The following RRBP1 variants were observed in gnomAD, a reference collection of about 807,000 sequenced individuals.
RRBP1 encodes ribosome-binding protein 1.
Under a neutral mutation model 165.2 loss-of-function variants are expected in RRBP1, and 94 were observed. That is an observed-to-expected ratio of 0.57 (90% CI 0.48 to 0.68). The LOEUF is 0.68. Ranked by LOEUF, RRBP1 falls within the 30% of genes least tolerant of loss-of-function variation. The probability of loss-of-function intolerance (pLI) is 0.00; values close to 1 mark genes in which losing one functional copy is unlikely to be tolerated. For missense variants in RRBP1, 1,676 were observed against 1,763.0 expected, an observed-to-expected ratio of 0.95 and a Z score of 0.88; for synonymous variants, 680 against 714.5, an observed-to-expected ratio of 0.95 and a Z score of 0.77.
intron 5 of RRBP1, 83 bp from the exon 6 acceptor site, chr20:17,636,812 G>A: frequency 1.3e-6 from 2 of 1,542,598 alleles, no homozygotes; most frequent in South Asian, 1.2e-5. Context: ...CATCACCCGA[G>A]CTGGGAGGCT....
chr20:17,636,798 AGAGCATCACCC>A, intron 5 of RRBP1, 69 bp from the exon 6 acceptor site: 1 of 1,586,402 alleles, frequency 6.3e-7, no homozygotes, highest in Non-Finnish European at 8.6e-7. Context: ...GAAGGGAGCA[AGAGCATCACCC>A]GAGCTGGGAG....
chr20:17,659,715 C>G lies in RRBP1; in HGVS notation c.793G>C (p.Ala265Pro), dbSNP rs1253644936. 17 of 1,550,500 alleles carry G rather than the reference C, an allele frequency of 1.1e-5. No individual in the cohort carries two copies. Among genetic ancestry groups the G allele is most frequent in the Non-Finnish European group, 1.5e-5 (17 of 1,147,002 alleles). The change falls in exon 3 of 25, where the codon GCC becomes CCC. Residue 265 changes from alanine to proline, a missense_variant. Coordinates refer to ENST00000377813, the MANE Select transcript of RRBP1 (RefSeq NM_001365613.2). ...TCTACCTTTTTACCCTGGTTCTGGGCCCCCTCCGCCTTTTTGCCTTGGTTT... is the reference window on the plus strand; with the variant it reads ...TCTACCTTTTTACCCTGGTTCTGGGGCCCCTCCGCCTTTTTGCCTTGGTTT... ...TPNQGKKAEG[A>P]QNQGKKVDTT... is the part of the protein sequence containing the mutation.
intron 14 of RRBP1, 33 bp from the exon 15 acceptor site, chr20:17,621,806 ACATT>A: frequency 6.2e-7 from 1 of 1,613,168 alleles, no homozygotes; most frequent in Non-Finnish European, 8.5e-7. Flanking sequence ...AGACCCGGGG[ACATT>A]CCCTGAGAAC....
At chr20:17,642,079 C>T (rs187782135) in intron 4 of RRBP1, among the ~76,000 whole-genome samples, 160 bp from the exon 5 acceptor site, 3 of 152,360 alleles carry the variant, frequency 2.0e-5, no homozygotes, top group Non-Finnish European at 4.4e-5. Context: ...GGAAAGGCGG[C>T]CCCGCCTCAG....
Position 17,643,050 on chromosome 20 carries a change from C to G in RRBP1, c.1990G>C (p.Glu664Gln). The G allele has an allele frequency of 6.2e-7, 1 of 1,614,110 alleles. No homozygotes were observed. The highest frequency in any genetic ancestry group is 8.5e-7 in the Non-Finnish European group (1 of 1,180,024). The change falls in exon 4 of 25, where the codon GAG becomes CAG. Residue 664 changes from glutamate to glutamine, a missense_variant. Around this residue, in one of 5 missense-constraint regions of RRBP1, gnomAD observed 1,184 missense variants for 1,167.1 expected, o/e 1.01. Transcript: ENST00000377813. This position sits in a 1 kb window ranked among gnomAD's most constrained non-coding sequence, Gnocchi z 4.3. ...TCGATGAGCCGCTGGGCCTCGCCCT[C>G]GTTGAACACCATGCTCCCAACCGTG... ...VSTVGSMVFN[E>Q]GEAQRLIEIL...
intron 7 of RRBP1, among the ~76,000 whole-genome samples, chr20:17,634,175 G>T (rs1305716941): frequency 3.9e-5 from 6 of 152,248 alleles, no homozygotes; most frequent in Non-Finnish European, 7.3e-5. Context: ...GGCAGCTGGA[G>T]GCCTGCCTTT....
intron 22 of RRBP1, 116 bp from the exon 23 acceptor site, chr20:17,615,645 G>A: frequency 4.1e-6 from 3 of 726,662 alleles, no homozygotes; most frequent in South Asian, 2.0e-5. Flanking sequence ...TGGAGCAACA[G>A]CTCCATCCTG....
intron 2 of RRBP1, among the ~76,000 whole-genome samples, chr20:17,661,494 G>T (rs1337597589): frequency 6.6e-6 from 1 of 152,174 alleles, no homozygotes; most frequent in Non-Finnish European, 1.5e-5. Context: ...CACTGCCTAT[G>T]GACCAAAGTC....
intron 3 of RRBP1, among the ~76,000 whole-genome samples, chr20:17,651,239 A>G (rs1568776237): frequency 6.6e-6 from 1 of 152,254 alleles, no homozygotes; most frequent in Non-Finnish European, 1.5e-5. Flanking sequence ...AGAGTAGCAC[A>G]GCAGCACCGT....
chr20:17,617,425 C>G (rs1291815333), intron 20 of RRBP1, among the ~76,000 whole-genome samples: 1 of 152,214 alleles, frequency 6.6e-6, no homozygotes, highest in Non-Finnish European at 1.5e-5. Flanking sequence ...CATAAGCTCC[C>G]CAGGGAACAT....
intron 8 of RRBP1, among the ~76,000 whole-genome samples, chr20:17,631,913 C>T (rs1226713373): frequency 1.3e-5 from 2 of 152,244 alleles, no homozygotes; most frequent in African/African-American, 4.8e-5. Flanking sequence ...CAACCTCAAC[C>T]GCCAGTCTGA....
Position 17,659,627 on chromosome 20 carries a change from C to T in RRBP1, c.881G>A (p.Gly294Glu). Residue 294 changes from glycine to glutamate, a missense_variant, in exon 3 of 25, where the codon GGG becomes GAG. By Grantham distance (98) the Gly-to-Glu change is moderately conservative. This residue lies in a region of RRBP1 where 392 missense variants were observed against 382.5 expected (regional missense o/e 1.02). Transcript: ENST00000377813. ...TACCTTTTTGGCCTGGTTCTGAGCC[C>T]CCTCGGCCTTTCTGCCCTGGGTTGG... ...GAPTQGRKAE[G>E]AQNQAKKVEG... 6.4e-7 allele frequency: 1 copy of T among 1,550,490 alleles called. No individual in the cohort carries two copies. The highest frequency in any genetic ancestry group is 8.7e-7 in the Non-Finnish European group (1 of 1,146,964).
At chr20:17,622,028 C>G in intron 13 of RRBP1, 81 bp from the exon 14 acceptor site, 2 of 1,029,466 alleles carry the variant, frequency 1.9e-6, no homozygotes, top group Non-Finnish European at 3.0e-6. Context: ...CTGATATGCC[C>G]GGGTCTCTGC....
At position 17,658,861 on chromosome 20, in the gene RRBP1, C is replaced by T. The variant is rs1311406641; in HGVS notation, c.1647G>A (p.Lys549=). The T allele has an allele frequency of 4.3e-6, 7 of 1,613,896 alleles. No individual in the cohort carries two copies. The South Asian group carries it at 5.5e-5, about 13-fold the overall frequency. ...TGCCCTGATTAGCAACCGAATCTGC[C>T]TTTTTGCCCTGGATGGGAGCTCCCT... The part of the protein sequence containing the change: ...KGEGAPIQGK[K]ADSVANQGTK... Residue 549 remains lysine, a synonymous_variant, in exon 3 of 25, where the codon AAG becomes AAA. Coordinates refer to ENST00000377813, the MANE Select transcript of RRBP1 (RefSeq NM_001365613.2).
chr20:17,621,317 G>C (rs2035908390), intron 16 of RRBP1, 141 bp downstream of exon 16: 1 of 629,948 alleles, frequency 1.6e-6, no homozygotes, highest in East Asian at 2.8e-5. Flanking sequence ...CATTTACCAT[G>C]CAGCCGAAGA....
intron 3 of RRBP1, among the ~76,000 whole-genome samples, chr20:17,649,815 C>G (rs2036524894): frequency 2.0e-5 from 3 of 152,120 alleles, no homozygotes. Context: ...CTCAGCGAGA[C>G]TGCACACGAC....
chr20:17,652,432 T>A (rs2036575080), intron 3 of RRBP1, among the ~76,000 whole-genome samples: 1 of 152,072 alleles, frequency 6.6e-6, no homozygotes, highest in Admixed American at 6.6e-5. Context: ...CCTGCCCAAG[T>A]CAAGGCCTCC....
intron 1 of RRBP1, among the ~76,000 whole-genome samples, chr20:17,681,632 T>G (rs1568796124): frequency 7.1e-6 from 1 of 141,748 alleles, no homozygotes; most frequent in South Asian, 2.3e-4. Flanking sequence ...CCGCCAGCTG[T>G]GCGCCGCCCC....
chr20:17,655,522 A>C (rs1467375134), intron 3 of RRBP1, among the ~76,000 whole-genome samples: 1 of 152,200 alleles, frequency 6.6e-6, no homozygotes, highest in Non-Finnish European at 1.5e-5. Flanking sequence ...ATGTCTTTGC[A>C]GGTTACTATG....
Sources: gnomAD v4.1 joint callset for allele counts (sites outside exome capture counted in the v4.1 genomes callset) on GRCh38, gnomAD v4.1.1 for gene constraint, gnomAD v4.1.1 regional missense constraint, Gnocchi (gnomAD v3.1) non-coding constraint, MANE v1.5 for transcripts, NCBI Gene and HGNC (gene_info 2026-07-23, HGNC 2026-07-21) for gene names.